GALR1: variants seen among roughly 807,000 people sequenced by gnomAD.
GALR1 encodes galanin receptor 1.
In GALR1, 11 loss-of-function variants were observed where a neutral mutation model predicts 17.9. The observed-to-expected ratio is 0.62, with a 90% CI of 0.39 to 1.02. The LOEUF is 1.02. Among genes scored for constraint, GALR1 ranks in the 50% least tolerant of loss-of-function variants. GALR1 has a pLI of 0.01. For missense variants in GALR1, 441 were observed against 456.9 expected (o/e 0.97, Z 0.32); for synonymous variants, 206 against 205.7 (o/e 1.00, Z -0.01).
intron 1 of GALR1, among the ~76,000 whole-genome samples, chr18:77,254,489 T>C (rs1309267377): frequency 1.3e-5 from 2 of 152,268 alleles, no homozygotes; most frequent in Non-Finnish European, 2.9e-5. Context: ...TGGTCACATT[T>C]GGACATTTTG....
rs1913081831 is a variant in GALR1, at chr18:77,272,359, C to G, written c.*3457C>G. On this transcript the variant is annotated 3_prime_UTR_variant, in exon 3 of 3. Transcript: ENST00000299727. ...GACCCAAGATCTCAGCAGGAGAGGA[C>G]AGCTTATCCAAGCATCCCTTTCCTT... is the stretch of plus-strand genomic sequence containing the variant. 1 of 152,244 alleles carries G rather than the reference C, an allele frequency of 6.6e-6. No homozygotes were observed. The highest frequency in any genetic ancestry group is 2.4e-5 in the African/African-American group (1 of 41,468). The allele number at this position is 152,244 out of a possible 1,614,324, so 9.4% of individuals were successfully genotyped here. A position where few individuals can be genotyped will look rare whatever the true frequency, so the allele number is the denominator to read the frequency against.
chr18:77,262,373 G>A (rs562334659), intron 2 of GALR1, among the ~76,000 whole-genome samples: 1 of 152,310 alleles, frequency 6.6e-6, no homozygotes, highest in Admixed American at 6.5e-5. Context: ...GTTTGACAGT[G>A]TGGAGCAGTA....
intron 2 of GALR1, among the ~76,000 whole-genome samples, chr18:77,259,027 G>A (rs1341641624): frequency 1.2e-4 from 3 of 24,348 alleles, no homozygotes; most frequent in East Asian, 1.4e-3. Context: ...GTTGGTGTTG[G>A]TGGTGGTCAT....
chr18:77,269,144 G>A lies in GALR1; in HGVS notation c.*242G>A. On this transcript the variant is annotated 3_prime_UTR_variant, in exon 3 of 3. Transcript: ENST00000299727. ...TTATGTTTCAGAAACAAAAGACAAT[G>A]CTGTACAGTTTTATTCCTCTTCAGA... The A allele has an allele frequency of 2.0e-6, 1 of 491,290 alleles. No individual in the cohort carries two copies. Among genetic ancestry groups the A allele is most frequent in the South Asian group, 2.5e-5 (1 of 39,562 alleles). The allele number at this position is 491,290 out of a possible 1,614,324, so 30.4% of individuals were successfully genotyped here. A position where few individuals can be genotyped will look rare whatever the true frequency, so the allele number is the denominator to read the frequency against.
chr18:77,250,022 G>A lies in GALR1; in HGVS notation c.-527G>A, dbSNP rs1392540247. 6.6e-6 allele frequency among the ~76,000 whole-genome samples: 1 copy of A among 152,172 alleles called. No individual in the cohort carries two copies. Among genetic ancestry groups the A allele is most frequent in the Non-Finnish European group, 1.5e-5 (1 of 68,024 alleles). On this transcript the variant is annotated 5_prime_UTR_variant, in exon 1 of 3. Transcript: ENST00000299727. Reference sequence around the variant, plus strand: ...GTGGCGCTGGGCGCGCGGGATGCGCGGGGAGCCTTCTCTGCAGGAGCCGCA... The same window carrying A: ...GTGGCGCTGGGCGCGCGGGATGCGCAGGGAGCCTTCTCTGCAGGAGCCGCA...
At position 77,251,914 on chromosome 18, in the gene GALR1, G is replaced by A. The variant is rs113156072; in HGVS notation, c.666+700G>A. ...TAGCTTTGTAAACCCAAGTGCAAAAGGGTGTTTCTTTACAGAGTCTTGACC... is the reference window on the plus strand; with the variant it reads ...TAGCTTTGTAAACCCAAGTGCAAAAAGGTGTTTCTTTACAGAGTCTTGACC... On this transcript the variant is annotated intron_variant, in intron 1 of 2. Transcript: ENST00000299727. Among the ~76,000 whole-genome samples the A allele has an allele frequency of 7.0e-3, 1,067 of 152,304 alleles. 5 individuals are homozygous for A. The highest frequency in any genetic ancestry group is 0.012 in the Non-Finnish European group (823 of 68,028).
At position 77,270,042 on chromosome 18, in the gene GALR1, C is replaced by G. The variant is rs1435487329; in HGVS notation, c.*1140C>G. On this transcript the variant is annotated 3_prime_UTR_variant, in exon 3 of 3. Transcript: ENST00000299727. ...TGTTAATTTGGGGTTAAAACCATCA[C>G]CATTTGAATTTCAAATGTAGTTTTC... 2.0e-5 allele frequency: 3 copies of G among 152,148 alleles called. No individual in the cohort carries two copies. Among genetic ancestry groups the G allele is most frequent in the Non-Finnish European group, 4.4e-5 (3 of 68,036 alleles). 9.4% of individuals were successfully genotyped at this position (152,148 alleles called of 1,614,324 possible).
Position 77,250,972 on chromosome 18 carries a change from C to A in GALR1, c.424C>A (p.Arg142Ser). ...CTACGTGGCCATCGTGCACTCGCGG[C>A]GCTCCTCCTCCCTCAGGGTGTCCCG... ...DRYVAIVHSR[R>S]SSSLRVSRNA... Residue 142 changes from arginine to serine, a missense_variant, in exon 1 of 3, where the codon CGC (arginine) becomes AGC (serine). By Grantham distance (110) the Arg-to-Ser change is moderately radical (BLOSUM62 -1). Coordinates refer to ENST00000299727, the MANE Select transcript of GALR1 (RefSeq NM_001480.4). The A allele has an allele frequency of 1.9e-6, 3 of 1,604,068 alleles. No individual in the cohort carries two copies. The highest frequency in any genetic ancestry group is 2.5e-6 in the Non-Finnish European group (3 of 1,179,932).
chr18:77,259,926 G>A (rs967450692), intron 2 of GALR1, among the ~76,000 whole-genome samples: 9 of 152,022 alleles, frequency 5.9e-5, no homozygotes, highest in African/African-American at 1.9e-4. Flanking sequence ...TTGGTCCATC[G>A]TGGGTATTTC....
At chr18:77,253,139 G>A (rs1287596892) in intron 1 of GALR1, among the ~76,000 whole-genome samples, 2 of 151,684 alleles carry the variant, frequency 1.3e-5, no homozygotes, top group East Asian at 1.9e-4. Context: ...GTGGTCTTCC[G>A]CAGATGCTAA....
In GALR1 at chr18:77,258,907, C is replaced by T. The variant is rs1206593637; in HGVS notation, c.732+2684C>T. ...TGGTCATAGTGGTGATGGTGGTGGG[C>T]GGTAGTGGTGGTGATGATGGTCATG... On this transcript the variant is annotated intron_variant, in intron 2 of 2. Transcript: ENST00000299727. Among the ~76,000 whole-genome samples the T allele has an allele frequency of 3.6e-3, 242 of 67,996 alleles. 9 individuals are homozygous for T. Among genetic ancestry groups the T allele is most frequent in the African/African-American group, 0.012 (209 of 17,708 alleles). The allele number at this position is 67,996 out of a possible 152,430, so 44.6% of individuals were successfully genotyped here.
Position 77,277,332 on chromosome 18 carries a change from T to G in GALR1, c.*8430T>G, listed in dbSNP as rs1179534513. On this transcript the variant is annotated 3_prime_UTR_variant, in exon 3 of 3. Transcript: ENST00000299727. ...CCAGCAGGTGGAGATAATTGAATTA[T>G]GGGGCCGGTTTCTCTCATACTGTTC... The G allele has an allele frequency of 6.6e-6, 1 of 152,198 alleles. No homozygotes were observed. Among genetic ancestry groups the G allele is most frequent in the African/African-American group, 2.4e-5 (1 of 41,448 alleles). 9.4% of individuals were successfully genotyped at this position (152,198 alleles called of 1,614,324 possible).
rs537464599 is a variant in GALR1 at position 77,251,092 on chromosome 18, A to G, written c.544A>G (p.Ser182Gly). 452 of 1,611,698 alleles carry G rather than the reference A, an allele frequency of 2.8e-4. 6 individuals carry two copies. The South Asian group carries it at 4.6e-3, about 17-fold the overall frequency. ...YHQGLFHPRA[S>G]NQTFCWEQWP... Reference sequence around the variant, plus strand: ...CCAGGGCCTCTTCCACCCGCGCGCCAGCAACCAGACCTTCTGCTGGGAGCA... The same window carrying G: ...CCAGGGCCTCTTCCACCCGCGCGCCGGCAACCAGACCTTCTGCTGGGAGCA... The change falls in exon 1 of 3, where the codon AGC becomes GGC. Residue 182 changes from serine (S) to glycine (G), a missense_variant. By Grantham distance (56) the Ser-to-Gly change is moderately conservative (BLOSUM62 0). Coordinates refer to ENST00000299727, the MANE Select transcript of GALR1 (RefSeq NM_001480.4).
rs1352283576 is a variant in GALR1 at position 77,250,529 on chromosome 18, C to T, written c.-20C>T. ...CCCTCCCCGCGCGCCCCGCCGCTCGCCGGGACAGCCCCGCGGGCCATGGAG... is the reference window on the plus strand; with the variant it reads ...CCCTCCCCGCGCGCCCCGCCGCTCGTCGGGACAGCCCCGCGGGCCATGGAG... On this transcript the variant is annotated 5_prime_UTR_variant, in exon 1 of 3. Coordinates refer to ENST00000299727, the MANE Select transcript of GALR1 (RefSeq NM_001480.4). The T allele has an allele frequency of 2.1e-6, 3 of 1,462,294 alleles. No homozygotes were observed. The South Asian group carries it at 4.2e-5, about 21-fold the overall frequency. The allele number at this position is 1,462,294 out of a possible 1,614,324, so 90.6% of individuals were successfully genotyped here.
In GALR1 at chr18:77,250,687, G is replaced by T; in HGVS notation, c.139G>T (p.Gly47Cys). ...GGTGTTCGGCCTGATCTTCGCGCTG[G>T]GTGTGCTGGGCAACAGCCTAGTGAT... ...LVVFGLIFAL[G>C]VLGNSLVITV... Residue 47 changes from glycine (G) to cysteine (C), a missense_variant, in exon 1 of 3, where the codon GGT becomes TGT. Physicochemically the swap from Gly to Cys is radical, Grantham distance 159. Transcript: ENST00000299727. The T allele has an allele frequency of 6.2e-7, 1 of 1,613,274 alleles. No homozygotes were observed.
chr18:77,253,016 CCACCACCATCACCACCAT>C (rs1568139271), intron 1 of GALR1, among the ~76,000 whole-genome samples: 3 of 80,024 alleles, frequency 3.7e-5, no homozygotes, highest in Non-Finnish European at 5.4e-5. Flanking sequence ...ACCACCACCA[CCACCACCATCACCACCAT>C]CACCACCACC....
rs965955709 is a variant in GALR1, at chr18:77,271,050, G to A, written c.*2148G>A. Reference sequence around the variant, plus strand: ...TTTGCATGAATGGAAATGATTTCTTGCACCATGGCTATTTCTTTGTTTTCT... The same window carrying A: ...TTTGCATGAATGGAAATGATTTCTTACACCATGGCTATTTCTTTGTTTTCT... On this transcript the variant is annotated 3_prime_UTR_variant, in exon 3 of 3. Transcript: ENST00000299727. 1.3e-5 allele frequency: 2 copies of A among 152,114 alleles called. No individual in the cohort carries two copies. Among genetic ancestry groups the A allele is most frequent in the African/African-American group, 2.4e-5 (1 of 41,416 alleles). 9.4% of individuals were successfully genotyped at this position (152,114 alleles called of 1,614,324 possible).
intron 2 of GALR1, among the ~76,000 whole-genome samples, chr18:77,266,448 G>C (rs541343710): frequency 7.2e-5 from 11 of 152,248 alleles, no homozygotes; most frequent in African/African-American, 2.4e-4. Context: ...CATCCAAACT[G>C]TTCCAGCCTC....
intron 2 of GALR1, among the ~76,000 whole-genome samples, chr18:77,262,115 A>G (rs1223548493): frequency 6.6e-6 from 1 of 152,030 alleles, no homozygotes; most frequent in Admixed American, 6.6e-5. Context: ...GGCATGAGCC[A>G]CTGTTATCTG....
Sources: allele counts gnomAD v4.1 joint callset (sites outside exome capture counted in the v4.1 genomes callset), GRCh38; gene constraint gnomAD v4.1.1; transcripts MANE v1.5; gene names NCBI Gene and HGNC (gene_info 2026-07-23, HGNC 2026-07-21).